Variants in ZNF728 observed in about 807,000 individuals in gnomAD.
The protein encoded by ZNF728 is zinc finger protein 728.
Under a neutral mutation model 12.5 loss-of-function variants are expected in ZNF728, and 12 were observed. The ratio of observed to expected loss-of-function variants is 0.96; its 90% CI spans 0.61 to 1.55. The LOEUF is 1.55. Ranked by LOEUF, ZNF728 falls within the 40% of genes most tolerant of loss-of-function variation. The pLI, the probability that ZNF728 is intolerant of heterozygous loss-of-function variation, is 0.00. For missense variants in ZNF728, 692 were observed against 719.2 expected (o/e 0.96, Z 0.43); for synonymous variants, 205 against 240.7 (o/e 0.85, Z 1.37).
At chr19:22,985,559 CTTTCA>C (rs1482929933) in intron 3 of ZNF728, 1 of 150,142 alleles carries the variant, frequency 6.7e-6, no homozygotes, top group Non-Finnish European at 1.5e-5. Context: ...AGAAGGCAAG[CTTTCA>C]TTCAGGTGGC....
intron 1 of ZNF728, among the ~76,000 whole-genome samples, chr19:23,001,880 G>A (rs889984878): frequency 2.0e-5 from 3 of 152,198 alleles, no homozygotes; most frequent in Non-Finnish European, 4.4e-5. Flanking sequence ...CGGAGAAATA[G>A]GGGATGGGGG....
At position 22,975,093 on chromosome 19, in the gene ZNF728, C is replaced by G. The variant is rs1968778554; in HGVS notation, c.*375G>C. On this transcript the variant is annotated 3_prime_UTR_variant, in exon 4 of 4. Transcript: ENST00000594710. ...TCACCAGTATGATTTCTTTTATATT[C>G]AGAAAAGTTTCAGGTGTTGCCAAAA... 6.6e-6 allele frequency among the ~76,000 whole-genome samples: 1 copy of G among 152,144 alleles called. No homozygotes were observed. Among genetic ancestry groups the G allele is most frequent in the African/African-American group, 2.4e-5 (1 of 41,442 alleles).
intron 1 of ZNF728, among the ~76,000 whole-genome samples, chr19:22,993,796 A>G (rs1295734399): frequency 6.6e-6 from 1 of 152,166 alleles, no homozygotes; most frequent in Non-Finnish European, 1.5e-5. Flanking sequence ...GTTTCAAGAG[A>G]TACATAGCTG....
intron 1 of ZNF728, among the ~76,000 whole-genome samples, chr19:22,991,391 C>G (rs1009612348): frequency 1.3e-5 from 2 of 152,056 alleles, no homozygotes; most frequent in African/African-American, 4.8e-5. Flanking sequence ...TTATCTGTCA[C>G]TGATTTTTTC....
At chr19:23,002,606 A>C (rs1473630302) in intron 1 of ZNF728, among the ~76,000 whole-genome samples, 1 of 152,202 alleles carries the variant, frequency 6.6e-6, no homozygotes, top group African/African-American at 2.4e-5. Context: ...AAATTATTTA[A>C]TATTTGTGCG....
chr19:22,977,216 G>C, intron 3 of ZNF728, 106 bp from the exon 4 acceptor site: 3 of 1,050,106 alleles, frequency 2.9e-6, no homozygotes, highest in Non-Finnish European at 4.0e-6. Context: ...TGACACTGCA[G>C]TATGACACAG....
chr19:22,984,574 AAATAC>A lies in ZNF728; in HGVS notation c.226+2729_226+2733del, dbSNP rs1282809625. On this transcript the variant is annotated intron_variant, in intron 3 of 3. Transcript: ENST00000594710. ...CTCCATCTCAAAAAAAAAAAAAAAA[AAATAC>A]ACACACACACACACACACACACACA... 5.1e-3 allele frequency among the ~76,000 whole-genome samples: 426 copies of A among 83,136 alleles called. 2 individuals carry two copies. Among genetic ancestry groups the A allele is most frequent in the Middle Eastern group, 0.032 (6 of 190 alleles). 54.5% of individuals were successfully genotyped at this position (83,136 alleles called of 152,430 possible). A position where few individuals can be genotyped will look rare whatever the true frequency, so the allele number is the denominator to read the frequency against.
At chr19:23,000,963 C>T (rs904891695) in intron 1 of ZNF728, among the ~76,000 whole-genome samples, 11 of 150,482 alleles carry the variant, frequency 7.3e-5, no homozygotes, top group Admixed American at 6.6e-5. Context: ...ATGTCTGACT[C>T]ATGTGTCAAG....
In ZNF728 at chr19:22,989,532, G is replaced by A. The variant is rs541099845; in HGVS notation, c.4-1081C>T. On this transcript the variant is annotated intron_variant, in intron 1 of 3. Transcript: ENST00000594710. ...TAATTCTATAGTGAAAAAATGTGTC[G>A]GAGAGCTTATCAACCAAGTGATTTA... Among the ~76,000 whole-genome samples, 40 of 152,136 alleles carry A rather than the reference G, an allele frequency of 2.6e-4. No individual in the cohort carries two copies. In the South Asian group the frequency reaches 2.7e-3, roughly 10 times the overall value.
At position 22,975,222 on chromosome 19, in the gene ZNF728, G is replaced by T. The variant is rs140375368; in HGVS notation, c.*246C>A. On this transcript the variant is annotated 3_prime_UTR_variant, in exon 4 of 4. Coordinates refer to ENST00000594710, the MANE Select transcript of ZNF728 (RefSeq NM_001267716.2). ...AGAGGCTTTCCCACATTCTTCACAC[G>T]TGTATGGTTTCTCTCCAGTATGAGT... Among the ~76,000 whole-genome samples, 1 of 152,010 alleles carries T rather than the reference G, an allele frequency of 6.6e-6. No homozygotes were observed. The highest frequency in any genetic ancestry group is 1.5e-5 in the Non-Finnish European group (1 of 67,990).
intron 1 of ZNF728, among the ~76,000 whole-genome samples, chr19:23,000,301 C>T (rs1029351047): frequency 2.6e-5 from 4 of 151,384 alleles, no homozygotes; most frequent in Non-Finnish European, 5.9e-5. Context: ...TGGCGTAAAC[C>T]CTGGAGACAG....
At chr19:22,977,178 T>C in intron 3 of ZNF728, 68 bp from the exon 4 acceptor site, 5 of 1,383,332 alleles carry the variant, frequency 3.6e-6, no homozygotes, top group Non-Finnish European at 4.8e-6. Flanking sequence ...ATTTAACCTA[T>C]AAAATTATTC....
chr19:22,987,527 A>G (rs1302163465), intron 2 of ZNF728, 124 bp from the exon 3 acceptor site: 27 of 936,700 alleles, frequency 2.9e-5, no homozygotes, highest in Non-Finnish European at 3.7e-5. Flanking sequence ...ATACTAAATT[A>G]CAACAGAAAT....
intron 1 of ZNF728, among the ~76,000 whole-genome samples, chr19:22,993,338 T>A (rs289297): frequency 1.3e-5 from 2 of 152,172 alleles, no homozygotes; most frequent in Non-Finnish European, 2.9e-5. Context: ...GCCAGCCAGA[T>A]CTTATTTGCA....
chr19:23,002,041 C>G (rs1267344742), intron 1 of ZNF728, among the ~76,000 whole-genome samples: 1 of 152,186 alleles, frequency 6.6e-6, no homozygotes, highest in Non-Finnish European at 1.5e-5. Flanking sequence ...TTCGGCCAGG[C>G]GCGGTGGCTT....
In ZNF728 at chr19:22,975,881, C is replaced by T; in HGVS notation, c.1456G>A (p.Gly486Ser). ...TTTGAGGACCACTTAAAGGCTTTGC[C>T]ACATTCTTCACATTTGTAGAGTTTC... ...GEKLYKCEEC[G>S]KAFKWSSNLM... Residue 486 changes from glycine to serine, a missense_variant, in exon 4 of 4, where the codon GGC (glycine) becomes AGC (serine). Gly to Ser is a moderately conservative substitution (Grantham distance 56). Transcript: ENST00000594710. 2 of 1,606,180 alleles carry T rather than the reference C, an allele frequency of 1.2e-6. No individual in the cohort carries two copies. The highest frequency in any genetic ancestry group is 1.7e-6 in the Non-Finnish European group (2 of 1,174,302).
At chr19:22,987,683 T>C (rs1397949225) in intron 2 of ZNF728, among the ~76,000 whole-genome samples, 1 of 152,162 alleles carries the variant, frequency 6.6e-6, no homozygotes, top group Non-Finnish European at 1.5e-5. Flanking sequence ...TTACCATTAA[T>C]CTAAAGTGAA....
chr19:22,995,586 C>T (rs574248945), intron 1 of ZNF728, among the ~76,000 whole-genome samples: 7 of 152,150 alleles, frequency 4.6e-5, no homozygotes, highest in East Asian at 1.9e-4. Flanking sequence ...TATAGGCACG[C>T]GCCACCACAC....
chr19:22,991,465 G>A (rs1232108607), intron 1 of ZNF728, among the ~76,000 whole-genome samples: 2 of 152,108 alleles, frequency 1.3e-5, no homozygotes, highest in Non-Finnish European at 2.9e-5. Flanking sequence ...AGAATTTAAT[G>A]CAATTTAGAT....
Sources: gnomAD v4.1 joint callset for allele counts (sites outside exome capture counted in the v4.1 genomes callset) on GRCh38, gnomAD v4.1.1 for gene constraint, MANE v1.5 for transcripts, NCBI Gene and HGNC (gene_info 2026-07-23, HGNC 2026-07-21) for gene names.